Variants in LDLRAD3 observed in about 807,000 individuals in gnomAD.
The protein encoded by LDLRAD3 is low density lipoprotein receptor class A domain containing 3.
Under a neutral mutation model 29.4 loss-of-function variants are expected in LDLRAD3, and 20 were observed. That is an observed-to-expected ratio of 0.68 (90% CI 0.48 to 0.99). The LOEUF is 0.99. Among genes scored for constraint, LDLRAD3 ranks in the 50% least tolerant of loss-of-function variants. The pLI is 0.00. For synonymous variants in LDLRAD3, 157 were observed against 192.7 expected (o/e 0.81, Z 1.53); for missense variants, 420 against 454.3 (o/e 0.92, Z 0.69).
intron 4 of LDLRAD3, among the ~76,000 whole-genome samples, chr11:36,162,593 A>C (rs1017290087): frequency 6.6e-6 from 1 of 152,218 alleles, no homozygotes; most frequent in Admixed American, 6.5e-5. Flanking sequence ...TGTGCTCCTC[A>C]CATTAGCTTT....
intron 4 of LDLRAD3, among the ~76,000 whole-genome samples, chr11:36,224,851 A>G (rs2133392110): frequency 6.6e-6 from 1 of 152,334 alleles, no homozygotes; most frequent in South Asian, 2.1e-4. Flanking sequence ...AGAAACATCT[A>G]GATTCTAGTC....
At chr11:36,221,431 A>G (rs949416111) in intron 4 of LDLRAD3, among the ~76,000 whole-genome samples, 2 of 151,998 alleles carry the variant, frequency 1.3e-5, no homozygotes, top group Non-Finnish European at 2.9e-5. Flanking sequence ...ATGAGTCAGT[A>G]AGGGGTCTCC....
chr11:36,129,902 T>A (rs1853899736), intron 4 of LDLRAD3, among the ~76,000 whole-genome samples: 1 of 152,206 alleles, frequency 6.6e-6, no homozygotes, highest in Admixed American at 6.5e-5. Flanking sequence ...GGGTGTACAC[T>A]GTCCTTACAT....
chr11:36,059,254 C>T (rs1852663980), intron 2 of LDLRAD3, among the ~76,000 whole-genome samples: 1 of 151,800 alleles, frequency 6.6e-6, no homozygotes, highest in Non-Finnish European at 1.5e-5. Context: ...GTTCCAGCTA[C>T]TCAGGAGGCT....
At chr11:36,081,560 T>C (rs1355951841) in intron 2 of LDLRAD3, 93 bp from the exon 3 acceptor site, 1 of 1,502,372 alleles carries the variant, frequency 6.7e-7, no homozygotes, top group Non-Finnish European at 9.2e-7. Context: ...GAATCTTAAG[T>C]GGACTCATTT....
At chr11:36,168,742 G>A (rs1380391164) in intron 4 of LDLRAD3, among the ~76,000 whole-genome samples, 8 of 152,028 alleles carry the variant, frequency 5.3e-5, no homozygotes, top group African/African-American at 1.7e-4. Flanking sequence ...AGGGAGTATC[G>A]ACCAAAATCG....
At chr11:36,135,345 T>A (rs777257068) in intron 4 of LDLRAD3, among the ~76,000 whole-genome samples, 2 of 152,164 alleles carry the variant, frequency 1.3e-5, no homozygotes, top group Non-Finnish European at 2.9e-5. Flanking sequence ...TCCCCATGGC[T>A]GGGGTTTGGG....
intron 1 of LDLRAD3, among the ~76,000 whole-genome samples, chr11:35,979,576 C>T (rs115563817): frequency 0.021 from 3,248 of 152,220 alleles, 122 homozygotes; most frequent in African/African-American, 0.072. Context: ...CTCAGGTTAG[C>T]GGAGCTTTAG....
chr11:36,092,576 C>T (rs1057513686), intron 3 of LDLRAD3, among the ~76,000 whole-genome samples: 2 of 152,126 alleles, frequency 1.3e-5, no homozygotes, highest in African/African-American at 4.8e-5. Flanking sequence ...TCTCTACCAC[C>T]GTGTGATCAA....
intron 1 of LDLRAD3, among the ~76,000 whole-genome samples, chr11:36,008,563 C>G (rs192492725): frequency 3.3e-5 from 5 of 152,162 alleles, no homozygotes; most frequent in African/African-American, 9.7e-5. Context: ...TTTGGGTGTT[C>G]CAGTCCTATG....
intron 4 of LDLRAD3, among the ~76,000 whole-genome samples, chr11:36,155,231 A>C (rs16928458): frequency 0.017 from 2,614 of 152,280 alleles, 92 homozygotes; most frequent in African/African-American, 0.06. Flanking sequence ...TCACGCTGTC[A>C]AGTATTTTCT....
intron 4 of LDLRAD3, among the ~76,000 whole-genome samples, chr11:36,200,192 A>G (rs1300210725): frequency 6.6e-6 from 1 of 152,140 alleles, no homozygotes; most frequent in Non-Finnish European, 1.5e-5. Context: ...AAAAATTAAA[A>G]AAACAGACCA....
chr11:36,101,912 G>T, intron 4 of LDLRAD3: 1 of 288,232 alleles, frequency 3.5e-6, no homozygotes, highest in South Asian at 2.8e-5. Context: ...TTTTGAGACG[G>T]AGTCTCACTC....
At chr11:36,094,292 A>G (rs1435913208) in intron 3 of LDLRAD3, among the ~76,000 whole-genome samples, 1 of 152,222 alleles carries the variant, frequency 6.6e-6, no homozygotes, top group African/African-American at 2.4e-5. Flanking sequence ...TGTTTTGCCT[A>G]GCACCAGTTT....
chr11:36,068,765 C>T (rs1373801307), intron 2 of LDLRAD3, among the ~76,000 whole-genome samples: 1 of 152,208 alleles, frequency 6.6e-6, no homozygotes, highest in East Asian at 1.9e-4. Flanking sequence ...ATCCACCCAC[C>T]TCAGCCTCCC....
chr11:36,077,055 C>T (rs1853023703), intron 2 of LDLRAD3, among the ~76,000 whole-genome samples: 2 of 152,160 alleles, frequency 1.3e-5, no homozygotes, highest in Non-Finnish European at 2.9e-5. Context: ...ATATAAAATA[C>T]TACCGTAGTT....
chr11:35,962,617 C>G (rs1287657102), intron 1 of LDLRAD3, among the ~76,000 whole-genome samples: 1 of 152,094 alleles, frequency 6.6e-6, no homozygotes, highest in Non-Finnish European at 1.5e-5. Context: ...ACTAAAGAGC[C>G]TCAAAGATTA....
intron 1 of LDLRAD3, among the ~76,000 whole-genome samples, chr11:35,960,230 C>T (rs1851258955): frequency 6.6e-6 from 1 of 152,136 alleles, no homozygotes; most frequent in Non-Finnish European, 1.5e-5. Context: ...CATACAGATA[C>T]AGTTTATTTT....
intron 4 of LDLRAD3, among the ~76,000 whole-genome samples, chr11:36,109,206 CA>C (rs1853573187): frequency 6.6e-6 from 1 of 152,090 alleles, no homozygotes; most frequent in Non-Finnish European, 1.5e-5. Context: ...GGAGTTTGGT[CA>C]AGGAGAGAAT....
Sources: gnomAD v4.1 joint callset for allele counts (sites outside exome capture counted in the v4.1 genomes callset) on GRCh38, gnomAD v4.1.1 for gene constraint, MANE v1.5 for transcripts, NCBI Gene and HGNC (gene_info 2026-07-23, HGNC 2026-07-21) for gene names.